Variants in SPOCK1 observed in about 807,000 individuals in gnomAD.
SPOCK1 encodes SPARC (osteonectin), cwcv and kazal like domains proteoglycan 1, also known as testican-1.
In SPOCK1, 23 loss-of-function variants were observed where a neutral mutation model predicts 55.3. The ratio of observed to expected loss-of-function variants is 0.42; its 90% CI spans 0.30 to 0.59. SPOCK1 has a LOEUF of 0.59. SPOCK1 is among the 20% of genes least tolerant of loss of function. The pLI, the probability that SPOCK1 is intolerant of heterozygous loss-of-function variation, is 0.22. For synonymous variants in SPOCK1, 226 were observed against 221.0 expected, an observed-to-expected ratio of 1.02 and a Z score of -0.20; for missense variants, 499 against 552.5, an observed-to-expected ratio of 0.90 and a Z score of 0.97.
chr5:137,178,063 A>G (rs532815318), intron 3 of SPOCK1, among the ~76,000 whole-genome samples: 1 of 152,264 alleles, frequency 6.6e-6, no homozygotes, highest in East Asian at 1.9e-4. Context: ...GAAAAGATGA[A>G]TCTCTGAGGC....
chr5:137,235,017 C>A (rs977275916), intron 3 of SPOCK1, among the ~76,000 whole-genome samples: 3 of 152,326 alleles, frequency 2.0e-5, no homozygotes, highest in South Asian at 2.1e-4. Context: ...AGTACTGCTA[C>A]GGAAGTGACA....
chr5:137,378,530 T>A (rs1751381690), intron 2 of SPOCK1, among the ~76,000 whole-genome samples: 1 of 152,232 alleles, frequency 6.6e-6, no homozygotes, highest in African/African-American at 2.4e-5. Flanking sequence ...CTAGATACGC[T>A]AATGAACCCA....
At chr5:137,400,411 G>A (rs547496476) in intron 2 of SPOCK1, among the ~76,000 whole-genome samples, 1 of 152,252 alleles carries the variant, frequency 6.6e-6, no homozygotes, top group East Asian at 1.9e-4. Context: ...ACATCCACAG[G>A]TAGATAGGAG....
In SPOCK1 at chr5:137,399,697, G is replaced by T. The variant is rs547829930; in HGVS notation, c.186+98676C>A. On this transcript the variant is annotated intron_variant, in intron 2 of 10. Coordinates refer to ENST00000394945, the MANE Select transcript of SPOCK1 (RefSeq NM_004598.4). ...TCACCAACACAGAAGAAAGCTTTGT[G>T]CAGTGATTAAAAGTTGACCTTTTCA... Among the ~76,000 whole-genome samples the T allele has an allele frequency of 3.9e-5, 6 of 152,242 alleles. No homozygotes were observed. The South Asian group carries it at 1.2e-3, about 32-fold the overall frequency.
At chr5:137,390,979 T>G (rs988324365) in intron 2 of SPOCK1, among the ~76,000 whole-genome samples, 1 of 152,160 alleles carries the variant, frequency 6.6e-6, no homozygotes, top group Non-Finnish European at 1.5e-5. Context: ...CAAGGTGGTT[T>G]GCTGCACCCA....
At chr5:137,488,208 C>A (rs1478541022) in intron 2 of SPOCK1, among the ~76,000 whole-genome samples, 1 of 152,120 alleles carries the variant, frequency 6.6e-6, no homozygotes, top group Non-Finnish European at 1.5e-5. Context: ...GAAACCCCAT[C>A]TCTACTAAAA....
At chr5:137,341,607 C>G (rs918932138) in intron 2 of SPOCK1, among the ~76,000 whole-genome samples, 11 of 152,216 alleles carry the variant, frequency 7.2e-5, no homozygotes, top group African/African-American at 2.2e-4. Flanking sequence ...TTATCTTACT[C>G]ACTCATTTGT....
In SPOCK1 at chr5:137,409,460, C is replaced by T. The variant is rs147250966; in HGVS notation, c.186+88913G>A. The stretch of plus-strand genomic sequence containing the variant: ...AAGTCTGGCCTAGCATCTCAGAGCA[C>T]AGGATCTAGAGTCAGACAGCCTGGG... On this transcript the variant is annotated intron_variant, in intron 2 of 10. Coordinates refer to ENST00000394945, the MANE Select transcript of SPOCK1 (RefSeq NM_004598.4). 3.5e-3 allele frequency among the ~76,000 whole-genome samples: 532 copies of T among 152,258 alleles called. 1 individual carries two copies. The highest frequency in any genetic ancestry group is 0.012 in the African/African-American group (491 of 41,544).
rs140033982 is a variant in SPOCK1, at chr5:137,195,166, G to A, written c.233-54472C>T. Among the ~76,000 whole-genome samples, 674 of 152,232 alleles carry A rather than the reference G, an allele frequency of 4.4e-3. 4 individuals carry two copies. The highest frequency in any genetic ancestry group is 0.015 in the African/African-American group (607 of 41,544). On this transcript the variant is annotated intron_variant, in intron 3 of 10. Coordinates refer to ENST00000394945, the MANE Select transcript of SPOCK1 (RefSeq NM_004598.4). ...CTCTTAAACCAAACTAAATAAGCTC[G>A]TTTGGCCTGTCCTTTTAATGCCCCT...
chr5:137,067,873 C>G (rs1467683108), intron 5 of SPOCK1, 44 bp from the exon 6 acceptor site: 1 of 1,515,938 alleles, frequency 6.6e-7, no homozygotes. Flanking sequence ...GCAGCCATAA[C>G]AGACCCCTAC....
Position 137,329,076 on chromosome 5 carries a change from T to C in SPOCK1, c.187-62021A>G, listed in dbSNP as rs1053152631. On this transcript the variant is annotated intron_variant, in intron 2 of 10. Transcript: ENST00000394945. ...TGGATGAGATTCACATTTGAATCAGTGGACTGAGTAAAGTGGACTGGCCCT... is the reference window on the plus strand; with the variant it reads ...TGGATGAGATTCACATTTGAATCAGCGGACTGAGTAAAGTGGACTGGCCCT... 6.6e-5 allele frequency among the ~76,000 whole-genome samples: 10 copies of C among 152,278 alleles called. No individual in the cohort carries two copies. In the East Asian group the frequency reaches 9.7e-4, roughly 15 times the overall value.
chr5:137,459,418 G>C (rs755347571), intron 2 of SPOCK1, among the ~76,000 whole-genome samples: 6 of 149,190 alleles, frequency 4.0e-5, no homozygotes, highest in Non-Finnish European at 7.4e-5. Context: ...GAATGTCCTT[G>C]CCTTCTACAA....
intron 6 of SPOCK1, among the ~76,000 whole-genome samples, chr5:137,043,072 G>A (rs1752031509): frequency 6.6e-6 from 1 of 152,026 alleles, no homozygotes; most frequent in South Asian, 2.1e-4. Context: ...AGATGAGCCT[G>A]GATATTTTAT....
At chr5:137,346,997 A>T (rs1216094658) in intron 2 of SPOCK1, among the ~76,000 whole-genome samples, 1 of 152,082 alleles carries the variant, frequency 6.6e-6, no homozygotes, top group African/African-American at 2.4e-5. Context: ...TGTTACCTCC[A>T]GGGTCCTTCC....
At chr5:137,466,379 C>T (rs952923573) in intron 2 of SPOCK1, among the ~76,000 whole-genome samples, 16 of 152,178 alleles carry the variant, frequency 1.1e-4, no homozygotes, top group African/African-American at 3.9e-4. Flanking sequence ...CTTAAAGAGA[C>T]AGGGTCCAAG....
chr5:137,343,363 C>A (rs1263233698), intron 2 of SPOCK1, among the ~76,000 whole-genome samples: 2 of 152,218 alleles, frequency 1.3e-5, no homozygotes, highest in Non-Finnish European at 2.9e-5. Flanking sequence ...CATAGGCCAG[C>A]TCTTCTCCCC....
chr5:137,432,958 G>A (rs1236254030), intron 2 of SPOCK1, among the ~76,000 whole-genome samples: 2 of 152,046 alleles, frequency 1.3e-5, no homozygotes, highest in African/African-American at 4.8e-5. Flanking sequence ...TATCTAAAAG[G>A]CATTTCATCC....
chr5:137,277,548 A>C (rs1172282803), intron 2 of SPOCK1, among the ~76,000 whole-genome samples: 1 of 152,188 alleles, frequency 6.6e-6, no homozygotes, highest in Non-Finnish European at 1.5e-5. Flanking sequence ...GTGGAGATGC[A>C]CCATGATACA....
At chr5:137,063,625 A>C (rs1457945685) in intron 6 of SPOCK1, among the ~76,000 whole-genome samples, 1 of 152,212 alleles carries the variant, frequency 6.6e-6, no homozygotes, top group Non-Finnish European at 1.5e-5. Flanking sequence ...ACCTCTGAAA[A>C]GGAGAAGACC....
Sources: allele counts gnomAD v4.1 joint callset (sites outside exome capture counted in the v4.1 genomes callset), GRCh38; gene constraint gnomAD v4.1.1; transcripts MANE v1.5; gene names NCBI Gene and HGNC (gene_info 2026-07-23, HGNC 2026-07-21).